Variants in MCC observed in about 807,000 individuals in gnomAD.
The protein encoded by MCC is colorectal mutant cancer protein.
Under a neutral mutation model 116.2 loss-of-function variants are expected in MCC, and 90 were observed. The observed-to-expected ratio is 0.77, with a 90% CI of 0.65 to 0.92. The LOEUF is 0.92. Ranked by LOEUF, MCC falls within the 40% of genes least tolerant of loss-of-function variation. The probability of loss-of-function intolerance (pLI) is 0.00; values close to 1 mark genes in which losing one functional copy is unlikely to be tolerated. For missense variants in MCC, 1,516 were observed against 1,312.2 expected, an observed-to-expected ratio of 1.16 and a Z score of -2.40; for synonymous variants, 578 against 510.5, an observed-to-expected ratio of 1.13 and a Z score of -1.78.
chr5:113,187,143 C>T (rs1247701621), intron 3 of MCC, among the ~76,000 whole-genome samples: 2 of 152,180 alleles, frequency 1.3e-5, no homozygotes, highest in African/African-American at 4.8e-5. Context: ...ATCCTCCACT[C>T]CTCATATGCC....
intron 3 of MCC, among the ~76,000 whole-genome samples, chr5:113,194,078 G>T (rs1384188900): frequency 6.6e-6 from 1 of 152,122 alleles, no homozygotes; most frequent in African/African-American, 2.4e-5. Context: ...AAATTACGCA[G>T]GCTCCAGAGG....
intron 1 of MCC, among the ~76,000 whole-genome samples, chr5:113,421,980 T>A (rs1770349223): frequency 6.6e-6 from 1 of 152,206 alleles, no homozygotes; most frequent in African/African-American, 2.4e-5. Flanking sequence ...ATAAATGTTT[T>A]TGCCACTTTT....
chr5:113,068,248 G>C lies in MCC; in HGVS notation c.1926-65C>G, dbSNP rs556231370. On this transcript the variant is annotated intron_variant, in intron 12 of 18. Coordinates refer to ENST00000408903, the MANE Select transcript of MCC (RefSeq NM_001085377.2). ...CAGCGGACACCTTCAATGTGGCGCC[G>C]GTTTCTGTGCAGGAGGCAGCTCAGG... is the stretch of plus-strand genomic sequence containing the variant. The C allele has an allele frequency of 3.9e-6, 5 of 1,292,332 alleles. No homozygotes were observed. In the Admixed American group the frequency reaches 9.2e-5, roughly 24 times the overall value. The allele number at this position is 1,292,332 out of a possible 1,614,324, so 80.1% of individuals were successfully genotyped here. A position where few individuals can be genotyped will look rare whatever the true frequency, so the allele number is the denominator to read the frequency against.
At chr5:113,451,146 C>T (rs26990) in intron 1 of MCC, among the ~76,000 whole-genome samples, 132,915 of 152,180 alleles carry the variant, frequency 0.87, 58,574 homozygotes, top group East Asian at 0.97. Flanking sequence ...GGTGGCATAC[C>T]GCCAACCACA....
chr5:113,401,177 G>T (rs1769675474), intron 1 of MCC, among the ~76,000 whole-genome samples: 1 of 151,900 alleles, frequency 6.6e-6, no homozygotes, highest in South Asian at 2.1e-4. Context: ...ACTTTTTATG[G>T]GAAAATTACA....
chr5:113,137,457 T>A (rs550119293), intron 5 of MCC, among the ~76,000 whole-genome samples: 36 of 152,276 alleles, frequency 2.4e-4, no homozygotes, highest in African/African-American at 8.4e-4. Context: ...AATCATCATG[T>A]TTTTTCCTTG....
chr5:113,340,462 T>C, intron 3 of MCC, 57 bp downstream of exon 3: 2 of 1,424,116 alleles, frequency 1.4e-6, no homozygotes, highest in South Asian at 2.3e-5. Context: ...ATTAAAATAT[T>C]TGTATTGGAA....
Position 113,104,042 on chromosome 5 carries a change from G to A in MCC, c.1191+150C>T, listed in dbSNP as rs562317012. The stretch of plus-strand genomic sequence containing the variant: ...CCCAACCAAAATTTCTAGAGCCCCC[G>A]CTTCTACACCGTGGCTCAATCTATT... On this transcript the variant is annotated intron_variant, in intron 7 of 18. Transcript: ENST00000408903. 1.8e-5 allele frequency: 13 copies of A among 708,722 alleles called. 1 individual carries two copies. The East Asian group carries it at 4.0e-4, about 22-fold the overall frequency. The allele number at this position is 708,722 out of a possible 1,614,324, so 43.9% of individuals were successfully genotyped here.
At chr5:113,399,488 AAAAT>A (rs1007528133) in intron 1 of MCC, among the ~76,000 whole-genome samples, 1 of 152,098 alleles carries the variant, frequency 6.6e-6, no homozygotes, top group Admixed American at 6.6e-5. Flanking sequence ...CTGTCTCAAA[AAAAT>A]AAATAAATAA....
At chr5:113,089,597 A>C (rs932163955) in intron 8 of MCC, among the ~76,000 whole-genome samples, 1 of 152,204 alleles carries the variant, frequency 6.6e-6, no homozygotes, top group African/African-American at 2.4e-5. Context: ...GTACAGACGG[A>C]AATGTTCTAG....
chr5:113,062,993 T>G (rs1297902908), intron 14 of MCC, among the ~76,000 whole-genome samples: 1 of 152,236 alleles, frequency 6.6e-6, no homozygotes, highest in Non-Finnish European at 1.5e-5. Flanking sequence ...TGTTTTGTTA[T>G]GTCATGAGAT....
chr5:113,193,571 A>C (rs934541512), intron 3 of MCC, among the ~76,000 whole-genome samples: 2 of 152,058 alleles, frequency 1.3e-5, no homozygotes, highest in Non-Finnish European at 2.9e-5. Flanking sequence ...TCTTGTCAGG[A>C]TAGTGTTTGT....
At chr5:113,239,476 G>A (rs60097481) in intron 3 of MCC, among the ~76,000 whole-genome samples, 16,640 of 152,166 alleles carry the variant, frequency 0.11, 1,278 homozygotes, top group Admixed American at 0.25. Flanking sequence ...GGTAAGTGGA[G>A]CAGACCTTGT....
At chr5:113,126,390 G>A (rs77681803) in intron 5 of MCC, among the ~76,000 whole-genome samples, 5,431 of 152,232 alleles carry the variant, frequency 0.036, 182 homozygotes, top group African/African-American at 0.083. Context: ...CTAAGATTAT[G>A]CAACCACTAG....
At chr5:113,356,276 A>G (rs1202473056) in intron 2 of MCC, among the ~76,000 whole-genome samples, 1 of 151,400 alleles carries the variant, frequency 6.6e-6, no homozygotes, top group Non-Finnish European at 1.5e-5. Context: ...GCTTCAGGTG[A>G]TCCTCGTGCC....
At chr5:113,431,639 G>C (rs901268555) in intron 1 of MCC, among the ~76,000 whole-genome samples, 1 of 152,046 alleles carries the variant, frequency 6.6e-6, no homozygotes, top group Non-Finnish European at 1.5e-5. Flanking sequence ...GTTTCTTCCT[G>C]CTCCTGCAAC....
chr5:113,053,305 A>T (rs6594669), intron 15 of MCC, among the ~76,000 whole-genome samples: 1 of 152,026 alleles, frequency 6.6e-6, no homozygotes, highest in South Asian at 2.1e-4. Flanking sequence ...GTGTCAGGAA[A>T]CTAGGGCTCT....
chr5:113,186,552 C>A (rs1385228969), intron 3 of MCC, among the ~76,000 whole-genome samples: 1 of 152,236 alleles, frequency 6.6e-6, no homozygotes, highest in South Asian at 2.1e-4. Flanking sequence ...TTTAACCTGC[C>A]CTGCCTGGCA....
intron 3 of MCC, among the ~76,000 whole-genome samples, chr5:113,198,997 A>G (rs1762558974): frequency 6.6e-6 from 1 of 151,834 alleles, no homozygotes; most frequent in South Asian, 2.1e-4. Flanking sequence ...GTAAAACCCC[A>G]TGTCTACTAA....
Sources: gnomAD v4.1 joint callset for allele counts (sites outside exome capture counted in the v4.1 genomes callset) on GRCh38, gnomAD v4.1.1 for gene constraint, MANE v1.5 for transcripts, NCBI Gene and HGNC (gene_info 2026-07-23, HGNC 2026-07-21) for gene names.